Variants in TAC4 observed in about 807,000 individuals in gnomAD.
The protein encoded by TAC4 is tachykinin precursor 4.
In TAC4, 17 loss-of-function variants were observed where a neutral mutation model predicts 17.7. The observed-to-expected ratio is 0.96, with a 90% CI of 0.66 to 1.44. The LOEUF is 1.44. Ranked by LOEUF, TAC4 falls within the 40% of genes most tolerant of loss-of-function variation. The pLI, the probability that TAC4 is intolerant of heterozygous loss-of-function variation, is 0.00. For missense variants in TAC4, 118 were observed against 125.6 expected, an observed-to-expected ratio of 0.94 and a Z score of 0.29; for synonymous variants, 62 against 52.4, an observed-to-expected ratio of 1.18 and a Z score of -0.79.
intron 1 of TAC4, chr17:49,846,880 A>G: frequency 8.9e-7 from 1 of 1,129,458 alleles, no homozygotes; most frequent in South Asian, 1.5e-5. Context: ...ATAAAAGCAT[A>G]TCAAAGCTGG....
rs922610653 is a variant in TAC4 at position 49,840,007 on chromosome 17, CG to C, written c.233-99del. The stretch of plus-strand genomic sequence containing the variant: ...CAAAGGACAGGGCCAGGGCGAGGGC[CG>C]GGGCCAGGGCTGGGGCCTTGCAAAT... On this transcript the variant is annotated intron_variant, in intron 3 of 4. Transcript: ENST00000436235. 14 of 1,193,226 alleles carry C rather than the reference CG, an allele frequency of 1.2e-5. No homozygotes were observed. In the African/African-American group the frequency reaches 1.7e-4, roughly 14 times the overall value. 73.9% of individuals were successfully genotyped at this position (1,193,226 alleles called of 1,614,324 possible).
chr17:49,847,393 C>T (rs755353808), intron 1 of TAC4: 1 of 679,514 alleles, frequency 1.5e-6, no homozygotes, highest in Non-Finnish European at 2.1e-6. Flanking sequence ...AAATAGTGGT[C>T]CTGTTTAAGT....
chr17:49,842,614 G>GT lies in TAC4; in HGVS notation c.200-1031dup, dbSNP rs565305135. Among the ~76,000 whole-genome samples, 97 of 151,996 alleles carry GT rather than the reference G, an allele frequency of 6.4e-4. 2 individuals carry two copies. Among genetic ancestry groups the GT allele is most frequent in the Non-Finnish European group, 1.1e-3 (72 of 67,984 alleles). Reference sequence around the variant, plus strand: ...TAAGGCCAAAAGTGCTTGGTCACAAGTTGGTTTTCTCTATTTTTATATGTG... The same window carrying GT: ...TAAGGCCAAAAGTGCTTGGTCACAAGTTTGGTTTTCTCTATTTTTATATGTG... On this transcript the variant is annotated intron_variant, in intron 2 of 4. Coordinates refer to ENST00000436235, the MANE Select transcript of TAC4 (RefSeq NM_001077506.2).
chr17:49,844,431 C>T (rs1202407980), intron 1 of TAC4, among the ~76,000 whole-genome samples: 1 of 151,958 alleles, frequency 6.6e-6, no homozygotes, highest in East Asian at 1.9e-4. Context: ...CTGTTACTGT[C>T]ATTTTACACA....
In TAC4 at chr17:49,838,763, G is replaced by A. The variant is rs1210486778; in HGVS notation, c.293-90C>T. 5.9e-6 allele frequency: 8 copies of A among 1,354,248 alleles called. 1 individual carries two copies. The South Asian group carries it at 7.7e-5, about 13-fold the overall frequency. 83.9% of individuals were successfully genotyped at this position (1,354,248 alleles called of 1,614,324 possible). A position where few individuals can be genotyped will look rare whatever the true frequency, so the allele number is the denominator to read the frequency against. On this transcript the variant is annotated intron_variant, in intron 4 of 4. Coordinates refer to ENST00000436235, the MANE Select transcript of TAC4 (RefSeq NM_001077506.2). ...GAAGTCTTCCCTAGTTGCATTGAAG[G>A]CCTTCATCTTCCTAACCCCTCTCTC...
intron 2 of TAC4, among the ~76,000 whole-genome samples, chr17:49,843,838 C>T (rs189696829): frequency 4.6e-5 from 7 of 152,258 alleles, no homozygotes; most frequent in Non-Finnish European, 8.8e-5. Context: ...AAGTGATGTA[C>T]CCACCTCGGC....
intron 1 of TAC4, among the ~76,000 whole-genome samples, chr17:49,845,645 G>A (rs547432272): frequency 4.6e-5 from 7 of 152,306 alleles, no homozygotes; most frequent in African/African-American, 1.4e-4. Context: ...CTAGAGTAAT[G>A]CGAGCCGCCT....
intron 1 of TAC4, chr17:49,847,146 A>G (rs767693667): frequency 1.1e-5 from 14 of 1,289,882 alleles, no homozygotes; most frequent in Non-Finnish European, 1.3e-5. Context: ...AGGCCACCCC[A>G]GTGTCCTTAC....
rs770189719 is a variant in TAC4, at chr17:49,844,138, A to G, written c.125T>C (p.Ile42Thr). The G allele has an allele frequency of 6.2e-7, 1 of 1,613,914 alleles. No individual in the cohort carries two copies. The highest frequency in any genetic ancestry group is 2.2e-5 in the East Asian group (1 of 44,880). The change falls in exon 2 of 5, where the codon ATT becomes ACT. Residue 42 changes from isoleucine to threonine, a missense_variant. Coordinates refer to ENST00000436235, the MANE Select transcript of TAC4 (RefSeq NM_001077506.2). ...CTTCACCTCCTGCAGCTGGAGCTGAATGCTGGGGCCAGCGCCTTCCTGAAG... is the reference window on the plus strand; with the variant it reads ...CTTCACCTCCTGCAGCTGGAGCTGAGTGCTGGGGCCAGCGCCTTCCTGAAG... ...AETWEGAGPSIQLQLQEVKTG... is the reference protein window; with the variant it reads ...AETWEGAGPSTQLQLQEVKTG...
At chr17:49,847,725 A>T (rs1598107954) in intron 1 of TAC4, 188 bp downstream of exon 1, 1 of 725,274 alleles carries the variant, frequency 1.4e-6, no homozygotes, top group African/African-American at 1.9e-5. Flanking sequence ...ACACACACAC[A>T]CTTCGGAGGT....
At chr17:49,847,688 C>CAGAG in intron 1 of TAC4, 1 of 433,570 alleles carries the variant, frequency 2.3e-6, no homozygotes, top group Non-Finnish European at 4.0e-6. Flanking sequence ...CACACACACA[C>CAGAG]ACAGACACAC....
At chr17:49,841,153 T>G (rs568673075) in intron 3 of TAC4, among the ~76,000 whole-genome samples, 16 of 152,084 alleles carry the variant, frequency 1.1e-4, no homozygotes, top group Admixed American at 4.6e-4. Flanking sequence ...CCCAAAGTGC[T>G]GAGATTACAG....
chr17:49,841,195 T>C (rs1299454768), intron 3 of TAC4, among the ~76,000 whole-genome samples: 2 of 152,032 alleles, frequency 1.3e-5, no homozygotes, highest in Admixed American at 1.3e-4. Context: ...AGATTTGCAC[T>C]TTTAAGATCA....
chr17:49,839,434 T>C (rs2074480446), intron 4 of TAC4, among the ~76,000 whole-genome samples: 1 of 152,168 alleles, frequency 6.6e-6, no homozygotes, highest in Non-Finnish European at 1.5e-5. Flanking sequence ...TTATTTACAG[T>C]GGTTGAAGGC....
At chr17:49,847,433 GCTC>G in intron 1 of TAC4, 1 of 456,200 alleles carries the variant, frequency 2.2e-6, no homozygotes, top group South Asian at 2.0e-5. Flanking sequence ...TTCTGGAAAA[GCTC>G]CTCAGATGCA....
intron 1 of TAC4, chr17:49,847,692 GAC>G (rs150685532): frequency 0.06 from 26,044 of 430,644 alleles, 846 homozygotes; most frequent in African/African-American, 0.19. Context: ...CACACACACA[GAC>G]ACACACACAC....
In TAC4 at chr17:49,839,832, C is replaced by T; in HGVS notation, c.292+18G>A. 1 of 1,606,310 alleles carries T rather than the reference C, an allele frequency of 6.2e-7. No homozygotes were observed. Among genetic ancestry groups the T allele is most frequent in the Non-Finnish European group, 8.5e-7 (1 of 1,176,272 alleles). Reference sequence around the variant, plus strand: ...TTTTCCCATGATGCCCTTGCAACCACCAGCGGCTCTTGCCTACCTTCTGTG... The same window carrying T: ...TTTTCCCATGATGCCCTTGCAACCATCAGCGGCTCTTGCCTACCTTCTGTG... On this transcript the variant is annotated intron_variant, in intron 4 of 4. Transcript: ENST00000436235.
chr17:49,841,244 CTTT>C lies in TAC4; in HGVS notation c.232+305_232+307del, dbSNP rs745671170. On this transcript the variant is annotated intron_variant, in intron 3 of 4. Coordinates refer to ENST00000436235, the MANE Select transcript of TAC4 (RefSeq NM_001077506.2). ...AAGCACTCTTATCTCTAGTGGTTGA[CTTT>C]TTTTTTTTTTTTTTTTTTTCTAATT... Among the ~76,000 whole-genome samples, 8 of 110,364 alleles carry C rather than the reference CTTT, an allele frequency of 7.2e-5. No individual in the cohort carries two copies. In the South Asian group the frequency reaches 1.8e-3, roughly 25 times the overall value. 72.4% of individuals were successfully genotyped at this position (110,364 alleles called of 152,430 possible).
chr17:49,847,687 A>ACG, intron 1 of TAC4: 1 of 498,572 alleles, frequency 2.0e-6, no homozygotes, highest in Non-Finnish European at 3.4e-6. Flanking sequence ...ACACACACAC[A>ACG]CACAGACACA....
Sources: gnomAD v4.1 joint callset for allele counts (sites outside exome capture counted in the v4.1 genomes callset) on GRCh38, gnomAD v4.1.1 for gene constraint, MANE v1.5 for transcripts, NCBI Gene and HGNC (gene_info 2026-07-23, HGNC 2026-07-21) for gene names.